The following PHRF1 variants were observed in gnomAD, a reference collection of about 807,000 sequenced individuals.
PHRF1 encodes PHD and RING finger domain-containing protein 1.
In PHRF1, 53 loss-of-function variants were observed where a neutral mutation model predicts 128.9. That is an observed-to-expected ratio of 0.41 (90% CI 0.33 to 0.52). The LOEUF is 0.52. Ranked by LOEUF, PHRF1 falls within the 20% of genes least tolerant of loss-of-function variation. The pLI is 0.21. For synonymous variants in PHRF1, 1,178 were observed against 980.6 expected, an observed-to-expected ratio of 1.20 and a Z score of -3.76; for missense variants, 2,503 against 2,284.5, an observed-to-expected ratio of 1.10 and a Z score of -1.95.
chr11:601,453 G>T, intron 9 of PHRF1, 121 bp from the exon 10 acceptor site: 25 of 1,275,830 alleles, frequency 2.0e-5, no homozygotes, highest in Non-Finnish European at 2.5e-5. Context: ...AAAATTGCAA[G>T]CCGGTGCGTG....
At position 587,474 on chromosome 11, in the gene PHRF1, C is replaced by T. The variant is rs760096137; in HGVS notation, c.420+10C>T. ...TGTCGAATGGTCCAAGGTGAGTTCA[C>T]CTCTGGTTGGGTGCTTCCTCCCTTC... On this transcript the variant is annotated intron_variant, in intron 4 of 17. Coordinates refer to ENST00000264555, the MANE Select transcript of PHRF1 (RefSeq NM_001286581.2). The T allele has an allele frequency of 1.9e-6, 3 of 1,612,350 alleles. No individual in the cohort carries two copies. Among genetic ancestry groups the T allele is most frequent in the East Asian group, 4.5e-5 (2 of 44,878 alleles).
At chr11:594,250 C>T (rs966149977) in intron 6 of PHRF1, among the ~76,000 whole-genome samples, 9 of 151,986 alleles carry the variant, frequency 5.9e-5, no homozygotes, top group South Asian at 2.1e-4. Context: ...TCGCTGGACA[C>T]GGCCTGAGAG....
At chr11:600,497 T>TAAATAAATAA (rs1564855705) in intron 9 of PHRF1, among the ~76,000 whole-genome samples, 9 of 127,374 alleles carry the variant, frequency 7.1e-5, no homozygotes, top group African/African-American at 3.3e-4. Context: ...TCCAAAAATA[T>TAAATAAATAA]ATATATATAT....
chr11:610,313 C>G lies in PHRF1; in HGVS notation c.4382C>G (p.Pro1461Arg). The G allele has an allele frequency of 6.4e-7, 1 of 1,565,504 alleles. No individual in the cohort carries two copies. The highest frequency in any genetic ancestry group is 8.7e-7 in the Non-Finnish European group (1 of 1,155,322). The change falls in exon 15 of 18, where the codon CCG becomes CGG. Residue 1461 changes from proline (P) to arginine (R), a missense_variant. Transcript: ENST00000264555. Reference sequence around the variant, plus strand: ...CTGCCCTTTCCCAGTCACGTGCTTCCGGAACCCGGGTTCCCAGACACAGAC... The same window carrying G: ...CTGCCCTTTCCCAGTCACGTGCTTCGGGAACCCGGGTTCCCAGACACAGAC... ...SELPFPSHVL[P>R]EPGFPDTDPS... is the part of the protein sequence containing the mutation.
chr11:601,513 C>T, intron 9 of PHRF1, 61 bp from the exon 10 acceptor site: 3 of 1,605,552 alleles, frequency 1.9e-6, no homozygotes, highest in East Asian at 2.2e-5. Context: ...GCTGGACTCA[C>T]AGGAATGGGG....
intron 5 of PHRF1, among the ~76,000 whole-genome samples, chr11:592,040 C>T (rs1358769236): frequency 1.3e-5 from 2 of 151,918 alleles, no homozygotes; most frequent in East Asian, 1.9e-4. Flanking sequence ...CTCAGCCTCC[C>T]GAGTAGCTGG....
At chr11:591,743 C>A (rs1434105859) in intron 5 of PHRF1, among the ~76,000 whole-genome samples, 1 of 152,142 alleles carries the variant, frequency 6.6e-6, no homozygotes, top group Non-Finnish European at 1.5e-5. Flanking sequence ...TCTGGCCCGT[C>A]TGCTCGGAGC....
chr11:597,034 TCC>T lies in PHRF1; in HGVS notation c.718+16_718+17del. The T allele has an allele frequency of 6.2e-7, 1 of 1,613,132 alleles. No individual in the cohort carries two copies. The highest frequency in any genetic ancestry group is 8.5e-7 in the Non-Finnish European group (1 of 1,179,366). On this transcript the variant is annotated intron_variant, in intron 7 of 17. Transcript: ENST00000264555. The surrounding 1 kb of genome is among the most constrained non-coding windows in gnomAD (Gnocchi z 6.5). ...TCCTTGCCGCTGGTAAGGACACTGC[TCC>T]CGTCCCAAGGCGCACATGGGCCTTC...
At chr11:584,729 CT>C (rs869125196) in intron 3 of PHRF1, among the ~76,000 whole-genome samples, 1,195 of 90,328 alleles carry the variant, frequency 0.013, 5 homozygotes, top group African/African-American at 0.042. Flanking sequence ...TCTCCAGGAC[CT>C]TTTTTTTTTT....
chr11:603,298 T>C (rs988890637), intron 10 of PHRF1, among the ~76,000 whole-genome samples: 1 of 152,158 alleles, frequency 6.6e-6, no homozygotes, highest in Non-Finnish European at 1.5e-5. Flanking sequence ...TTAAGCAGTT[T>C]GTCATCTAAG....
chr11:584,781 A>G (rs1854427665), intron 3 of PHRF1, among the ~76,000 whole-genome samples: 1 of 120,014 alleles, frequency 8.3e-6, no homozygotes, highest in Non-Finnish European at 1.6e-5. Flanking sequence ...CTTGTTGCCC[A>G]GGCTGGAGTG....
At chr11:579,505 C>T (rs1000422060) in intron 1 of PHRF1, among the ~76,000 whole-genome samples, 1 of 152,196 alleles carries the variant, frequency 6.6e-6, no homozygotes, top group Non-Finnish European at 1.5e-5. Context: ...GAGCTGTGGT[C>T]ACTGCTAGGT....
intron 9 of PHRF1, among the ~76,000 whole-genome samples, chr11:599,988 G>A (rs1855534446): frequency 1.3e-5 from 2 of 152,148 alleles, no homozygotes; most frequent in Admixed American, 6.5e-5. Context: ...GTTGATGGGC[G>A]TTTGGCTGGG....
At chr11:581,652 G>A (rs757041752) in intron 2 of PHRF1, 46 bp downstream of exon 2, 2 of 1,534,608 alleles carry the variant, frequency 1.3e-6, no homozygotes, top group Non-Finnish European at 1.8e-6. Context: ...GAGGAGCAGG[G>A]TGCCTGGTGT....
In PHRF1 at chr11:607,640, G is replaced by A. The variant is rs1345616928; in HGVS notation, c.2184G>A (p.Arg728=). ...EGTGQPGRGT[R]AESEASSRVP... ...CCGGGCAGCCAGGGCGAGGCACACG[G>A]GCAGAGAGCGAGGCCAGCAGCAGGG... The change falls in exon 14 of 18, where the codon CGG becomes CGA. Residue 728 remains arginine (R), a synonymous_variant. Coordinates refer to ENST00000264555, the MANE Select transcript of PHRF1 (RefSeq NM_001286581.2). 1.2e-6 allele frequency: 2 copies of A among 1,611,724 alleles called. No individual in the cohort carries two copies. Among genetic ancestry groups the A allele is most frequent in the South Asian group, 1.1e-5 (1 of 91,014 alleles).
chr11:586,631 A>C (rs979643856), intron 3 of PHRF1, among the ~76,000 whole-genome samples: 1 of 152,186 alleles, frequency 6.6e-6, no homozygotes, highest in Non-Finnish European at 1.5e-5. Flanking sequence ...CAGTGCACGT[A>C]TGGGCTCTGC....
In PHRF1 at chr11:607,995, C is replaced by T. The variant is rs776348620; in HGVS notation, c.2539C>T (p.Pro847Ser). 1.9e-6 allele frequency: 3 copies of T among 1,611,258 alleles called. No individual in the cohort carries two copies. Among genetic ancestry groups the T allele is most frequent in the African/African-American group, 1.3e-5 (1 of 74,928 alleles). ...GSDSSAPGSSPERSGPGLLPS... is the reference protein window; with the variant it reads ...GSDSSAPGSSSERSGPGLLPS... ...CGACTCCAGCGCCCCTGGCAGCAGC[C>T]CCGAGAGGTCTGGCCCCGGCCTCCT... Residue 847 changes from proline (P) to serine (S), a missense_variant, in exon 14 of 18, where the codon CCC (proline) becomes TCC (serine). Coordinates refer to ENST00000264555, the MANE Select transcript of PHRF1 (RefSeq NM_001286581.2).
At position 605,729 on chromosome 11, in the gene PHRF1, G is replaced by A. The variant is rs1855900907; in HGVS notation, c.1454+5G>A. 1 of 1,607,250 alleles carries A rather than the reference G, an allele frequency of 6.2e-7. No homozygotes were observed. The highest frequency in any genetic ancestry group is 1.1e-5 in the South Asian group (1 of 90,790). On this transcript the variant is annotated splice_donor_5th_base_variant and intron_variant, in intron 12 of 17. Coordinates refer to ENST00000264555, the MANE Select transcript of PHRF1 (RefSeq NM_001286581.2). ...CGTCTCCGTGGGGCTTTCCAGGTGT[G>A]TGAGGGCAGAGGCTTCTGGGGAGGT... is the stretch of plus-strand genomic sequence containing the variant.
At chr11:604,605 C>T (rs916819668) in intron 10 of PHRF1, among the ~76,000 whole-genome samples, 1 of 152,186 alleles carries the variant, frequency 6.6e-6, no homozygotes, top group African/African-American at 2.4e-5. Context: ...ACCTCTGCCT[C>T]CCGGGTTCAA....
Sources: allele counts gnomAD v4.1 joint callset (sites outside exome capture counted in the v4.1 genomes callset), GRCh38; gene constraint gnomAD v4.1.1; non-coding constraint Gnocchi (gnomAD v3.1); transcripts MANE v1.5; gene names NCBI Gene and HGNC (gene_info 2026-07-23, HGNC 2026-07-21).